Variants in NR3C2 observed in about 807,000 individuals in gnomAD.
NR3C2 encodes nuclear receptor subfamily 3 group C member 2.
In NR3C2, 15 loss-of-function variants were observed where a neutral mutation model predicts 86.4. The ratio of observed to expected loss-of-function variants is 0.17; its 90% CI spans 0.12 to 0.27. The LOEUF (loss-of-function observed/expected upper bound fraction) is 0.27, where lower values mean the gene tolerates loss of function less well. Among genes scored for constraint, NR3C2 ranks in the 10% least tolerant of loss-of-function variants. The pLI, the probability that NR3C2 is intolerant of heterozygous loss-of-function variation, is 1.00. For synonymous variants in NR3C2, 458 were observed against 450.5 expected (o/e 1.02, Z -0.21); for missense variants, 960 against 1,195.6 (o/e 0.80, Z 2.91).
At chr4:148,086,461 G>A (rs1437992308) in intron 8 of NR3C2, among the ~76,000 whole-genome samples, 3 of 152,150 alleles carry the variant, frequency 2.0e-5, no homozygotes, top group African/African-American at 4.8e-5. Context: ...ATAGCTGGGC[G>A]CGGTGGCTCA....
In NR3C2 at chr4:148,435,203, A is replaced by T. The variant is rs776135917; in HGVS notation, c.1658T>A (p.Val553Asp). Residue 553 changes from valine to aspartate, a missense_variant, in exon 2 of 9, where the codon GTC becomes GAC. Around this residue, in one of 4 missense-constraint regions of NR3C2, gnomAD observed 680 missense variants for 719.0 expected, o/e 0.95. Transcript: ENST00000358102. ...SFQHLSSFPP[V>D]NTLVESWKSH... ...TTTCCATGACTCCACTAAAGTATTGACAGGAGGAAAGGAACTCAGGTGTTG... is the reference window on the plus strand; with the variant it reads ...TTTCCATGACTCCACTAAAGTATTGTCAGGAGGAAAGGAACTCAGGTGTTG... The T allele has an allele frequency of 5.6e-6, 9 of 1,614,198 alleles. No homozygotes were observed. The highest frequency in any genetic ancestry group is 7.6e-6 in the Non-Finnish European group (9 of 1,180,024).
At chr4:148,202,957 T>A (rs1041358721) in intron 3 of NR3C2, among the ~76,000 whole-genome samples, 2 of 152,234 alleles carry the variant, frequency 1.3e-5, no homozygotes, top group Non-Finnish European at 2.9e-5. Flanking sequence ...CTAAAAAACA[T>A]TCTTGAACAA....
chr4:148,322,950 G>GCGCTCTGC (rs1159053682), intron 2 of NR3C2, among the ~76,000 whole-genome samples: 2 of 146,858 alleles, frequency 1.4e-5, no homozygotes, highest in Non-Finnish European at 3.0e-5. Flanking sequence ...AGGAGGAGAG[G>GCGCTCTGC]CGCTCTGCTG....
chr4:148,122,603 A>G (rs1732558479), intron 6 of NR3C2, among the ~76,000 whole-genome samples: 1 of 151,740 alleles, frequency 6.6e-6, no homozygotes, highest in Admixed American at 6.6e-5. Context: ...TCTTCCTTTC[A>G]TTGGATTGAC....
At chr4:148,394,446 G>A (rs72953910) in intron 2 of NR3C2, among the ~76,000 whole-genome samples, 1 of 151,296 alleles carries the variant, frequency 6.6e-6, no homozygotes, top group African/African-American at 2.4e-5. Flanking sequence ...TTGGGAGGCT[G>A]AGGCAGCAGG....
At chr4:148,293,636 G>C (rs1741901048) in intron 2 of NR3C2, among the ~76,000 whole-genome samples, 6 of 152,142 alleles carry the variant, frequency 3.9e-5, no homozygotes, top group Admixed American at 3.9e-4. Flanking sequence ...TGTATTCCAT[G>C]TGAGTGCTTT....
chr4:148,371,729 A>C (rs968465337), intron 2 of NR3C2, among the ~76,000 whole-genome samples: 7 of 152,180 alleles, frequency 4.6e-5, no homozygotes, highest in Non-Finnish European at 8.8e-5. Flanking sequence ...ACAGTACCTG[A>C]CTTAATCCTC....
At position 148,400,448 on chromosome 4, in the gene NR3C2, A is replaced by G. The variant is rs545815407; in HGVS notation, c.1757+34656T>C. ...ATAAGAGAGTAAGAGATCCAATCTT[A>G]TATTTTCATACATATATATATAGAG... is the stretch of plus-strand genomic sequence containing the variant. On this transcript the variant is annotated intron_variant, in intron 2 of 8. Coordinates refer to ENST00000358102, the MANE Select transcript of NR3C2 (RefSeq NM_000901.5). Among the ~76,000 whole-genome samples, 9 of 152,294 alleles carry G rather than the reference A, an allele frequency of 5.9e-5. No homozygotes were observed. The South Asian group carries it at 1.5e-3, about 25-fold the overall frequency.
intron 8 of NR3C2, among the ~76,000 whole-genome samples, chr4:148,082,541 C>T (rs1267879536): frequency 6.6e-6 from 1 of 152,120 alleles, no homozygotes; most frequent in African/African-American, 2.4e-5. Flanking sequence ...CCAGATACTA[C>T]ACTTTTCCCA....
At chr4:148,093,823 A>G (rs753218599) in intron 8 of NR3C2, among the ~76,000 whole-genome samples, 2 of 152,240 alleles carry the variant, frequency 1.3e-5, no homozygotes, top group African/African-American at 4.8e-5. Context: ...AACATAGGCA[A>G]TGAAAGGAAA....
At chr4:148,392,224 T>C (rs998924071) in intron 2 of NR3C2, among the ~76,000 whole-genome samples, 17 of 152,184 alleles carry the variant, frequency 1.1e-4, no homozygotes, top group African/African-American at 4.1e-4. Flanking sequence ...TTAGAAGAGA[T>C]AGACCATGAG....
At chr4:148,143,311 A>G (rs1213247765) in intron 6 of NR3C2, among the ~76,000 whole-genome samples, 1 of 152,202 alleles carries the variant, frequency 6.6e-6, no homozygotes, top group Admixed American at 6.5e-5. Flanking sequence ...CTGAAACGAC[A>G]TATTATTTTA....
At chr4:148,100,359 AG>A (rs1731481938) in intron 8 of NR3C2, among the ~76,000 whole-genome samples, 2 of 152,356 alleles carry the variant, frequency 1.3e-5, no homozygotes, top group South Asian at 4.1e-4. Flanking sequence ...GAATATATAA[AG>A]AACTCCTACA....
At position 148,359,350 on chromosome 4, in the gene NR3C2, T is replaced by C. The variant is rs114267126; in HGVS notation, c.1757+75754A>G. ...AATTTTTAGAATGTATCAGACCACA[T>C]AGTTCTTACATGTTCCTGATAGAAG... On this transcript the variant is annotated intron_variant, in intron 2 of 8. Coordinates refer to ENST00000358102, the MANE Select transcript of NR3C2 (RefSeq NM_000901.5). 1.8e-3 allele frequency among the ~76,000 whole-genome samples: 279 copies of C among 152,278 alleles called. 1 individual carries two copies. Among genetic ancestry groups the C allele is most frequent in the African/African-American group, 6.5e-3 (270 of 41,550 alleles).
intron 6 of NR3C2, among the ~76,000 whole-genome samples, chr4:148,149,480 C>T (rs1418815315): frequency 6.6e-6 from 1 of 152,070 alleles, no homozygotes. Context: ...GTTTGGAGCC[C>T]TTTGTACTCA....
chr4:148,213,206 G>A (rs1303436891), intron 3 of NR3C2, among the ~76,000 whole-genome samples: 5 of 151,774 alleles, frequency 3.3e-5, no homozygotes, highest in Non-Finnish European at 5.9e-5. Flanking sequence ...CAGTGCCACA[G>A]CACACACAGT....
chr4:148,414,718 C>T (rs544905128), intron 2 of NR3C2, among the ~76,000 whole-genome samples: 12 of 152,226 alleles, frequency 7.9e-5, no homozygotes, highest in South Asian at 4.1e-4. Flanking sequence ...TGATGTTAGA[C>T]GTGAGAGCTT....
At chr4:148,414,083 G>A (rs1042725746) in intron 2 of NR3C2, among the ~76,000 whole-genome samples, 13 of 152,136 alleles carry the variant, frequency 8.5e-5, no homozygotes, top group African/African-American at 4.8e-5. Context: ...CCAGATAAGC[G>A]ATAGAATACT....
intron 4 of NR3C2, among the ~76,000 whole-genome samples, chr4:148,165,429 T>C (rs1734836526): frequency 6.6e-6 from 1 of 152,154 alleles, no homozygotes; most frequent in South Asian, 2.1e-4. Context: ...GGAAAGAGTT[T>C]TATCTCCACT....
Sources: gnomAD v4.1 joint callset for allele counts (sites outside exome capture counted in the v4.1 genomes callset) on GRCh38, gnomAD v4.1.1 for gene constraint, gnomAD v4.1.1 regional missense constraint, MANE v1.5 for transcripts, NCBI Gene and HGNC (gene_info 2026-07-23, HGNC 2026-07-21) for gene names.